The following EYS variants were observed in gnomAD, a reference collection of about 807,000 sequenced individuals.
The protein encoded by EYS is protein eyes shut homolog.
A neutral mutation model predicts 282.1 loss-of-function variants in EYS; 250 were observed. That is an observed-to-expected ratio of 0.89 (90% CI 0.80 to 0.98). EYS has a LOEUF of 0.98. Ranked by LOEUF, EYS falls within the 50% of genes least tolerant of loss-of-function variation. The pLI is 0.00. For synonymous variants in EYS, 1,355 were observed against 1,282.9 expected, an observed-to-expected ratio of 1.06 and a Z score of -1.20; for missense variants, 4,016 against 3,709.0, an observed-to-expected ratio of 1.08 and a Z score of -2.15.
intron 26 of EYS, among the ~76,000 whole-genome samples, chr6:64,551,536 CTTTT>C (rs34550861): frequency 3.0e-5 from 4 of 131,804 alleles, no homozygotes; most frequent in Admixed American, 7.7e-5. Flanking sequence ...CAAGTGCATT[CTTTT>C]TTTTTTTTTT....
chr6:64,879,957 A>G (rs893880001), intron 19 of EYS, among the ~76,000 whole-genome samples: 2 of 152,018 alleles, frequency 1.3e-5, no homozygotes, highest in African/African-American at 4.8e-5. Context: ...TGCTTCTGGA[A>G]GCAGGTCTGC....
chr6:64,403,865 C>T (rs555091291), intron 28 of EYS, among the ~76,000 whole-genome samples: 51 of 152,212 alleles, frequency 3.4e-4, no homozygotes, highest in African/African-American at 1.2e-3. Flanking sequence ...TTCAAAATGA[C>T]ATGTGTAATG....
At chr6:64,450,333 T>C (rs1267256566) in intron 26 of EYS, among the ~76,000 whole-genome samples, 4 of 152,122 alleles carry the variant, frequency 2.6e-5, no homozygotes, top group African/African-American at 9.7e-5. Flanking sequence ...ATGCACCCAA[T>C]ACAGGAGCAC....
intron 22 of EYS, among the ~76,000 whole-genome samples, chr6:64,772,917 A>G (rs143177325): frequency 2.6e-5 from 4 of 151,822 alleles, no homozygotes; most frequent in Non-Finnish European, 5.9e-5. Context: ...CTACATGGAT[A>G]TGGCATAGTT....
rs147133847 is a variant in EYS at position 64,166,249 on chromosome 6, C to A, written c.6424+64343G>T. 3.5e-3 allele frequency among the ~76,000 whole-genome samples: 535 copies of A among 152,188 alleles called. 2 individuals are homozygous for A. Among genetic ancestry groups the A allele is most frequent in the African/African-American group, 0.012 (499 of 41,526 alleles). On this transcript the variant is annotated intron_variant, in intron 31 of 42. Coordinates refer to ENST00000503581, the MANE Select transcript of EYS (RefSeq NM_001142800.2). ...CACAGCAATTATCAACCTAAAACAC[C>A]TTTGCTGATATGACTACTACTTATG...
intron 35 of EYS, among the ~76,000 whole-genome samples, chr6:63,950,619 G>C (rs1456937053): frequency 6.6e-6 from 1 of 152,098 alleles, no homozygotes; most frequent in Non-Finnish European, 1.5e-5. Flanking sequence ...TGGATCAGGG[G>C]ACCTCCCTTG....
At chr6:64,047,704 C>T (rs1562173325) in intron 33 of EYS, among the ~76,000 whole-genome samples, 1 of 152,124 alleles carries the variant, frequency 6.6e-6, no homozygotes, top group East Asian at 1.9e-4. Context: ...TTGCACAATT[C>T]TGTGAGGTGG....
intron 12 of EYS, among the ~76,000 whole-genome samples, chr6:65,224,435 C>T (rs1472593865): frequency 2.6e-5 from 4 of 152,002 alleles, no homozygotes; most frequent in Non-Finnish European, 1.5e-5. Flanking sequence ...AAATTTCTAT[C>T]AATAAGTACC....
chr6:63,903,241 T>C (rs1773700170), intron 35 of EYS, among the ~76,000 whole-genome samples: 1 of 152,044 alleles, frequency 6.6e-6, no homozygotes, highest in Non-Finnish European at 1.5e-5. Context: ...TCTGAGCTCA[T>C]GAGGAAGAAA....
Position 63,788,192 on chromosome 6 carries a change from C to T in EYS, c.7636G>A (p.Val2546Ile), listed in dbSNP as rs1770415717. 6.5e-7 allele frequency: 1 copy of T among 1,548,098 alleles called. No individual in the cohort carries two copies. Among genetic ancestry groups the T allele is most frequent in the South Asian group, 1.2e-5 (1 of 83,084 alleles). Residue 2546 changes from valine (V) to isoleucine (I), a missense_variant, in exon 39 of 43, where the codon GTC (valine) becomes ATC (isoleucine). Val to Ile is a conservative substitution (Grantham distance 29). Coordinates refer to ENST00000503581, the MANE Select transcript of EYS (RefSeq NM_001142800.2). The part of the protein sequence containing the change: ...IAPGRLVGLN[V>I]FSQFYVGGYS... The stretch of plus-strand genomic sequence containing the variant: ...CCACCTACATAAAACTGACTGAAGA[C>T]ATTGAGACCAACCAGTCTTCCTGGG...
At chr6:64,399,787 T>C (rs948633450) in intron 28 of EYS, among the ~76,000 whole-genome samples, 9 of 152,036 alleles carry the variant, frequency 5.9e-5, no homozygotes, top group African/African-American at 2.2e-4. Flanking sequence ...ACTGAATTTT[T>C]GACTCATTGT....
chr6:63,822,781 C>T (rs1354343278), intron 36 of EYS: 1 of 152,050 alleles, frequency 6.6e-6, no homozygotes, highest in Non-Finnish European at 1.5e-5. Flanking sequence ...AAGAATATGG[C>T]AAATAATAAT....
At position 65,435,042 on chromosome 6, in the gene EYS, T is replaced by G. The variant is rs533049173; in HGVS notation, c.863-29675A>C. ...TTAAATAATTAATAGATGAGTAAAT[T>G]AATATCACACATCTAAAGTCACCAG... On this transcript the variant is annotated intron_variant, in intron 5 of 42. Coordinates refer to ENST00000503581, the MANE Select transcript of EYS (RefSeq NM_001142800.2). 3.6e-4 allele frequency among the ~76,000 whole-genome samples: 54 copies of G among 151,852 alleles called. 1 individual carries two copies. The highest frequency in any genetic ancestry group is 6.0e-4 in the Non-Finnish European group (41 of 67,944).
At chr6:64,177,052 T>G (rs1180790396) in intron 31 of EYS, among the ~76,000 whole-genome samples, 1 of 151,866 alleles carries the variant, frequency 6.6e-6, no homozygotes, top group East Asian at 1.9e-4. Context: ...TTATGAAGAA[T>G]GGATTTTACA....
At chr6:64,839,704 T>C (rs575063209) in intron 19 of EYS, among the ~76,000 whole-genome samples, 1 of 152,168 alleles carries the variant, frequency 6.6e-6, no homozygotes, top group East Asian at 1.9e-4. Context: ...ATCAAGGTGC[T>C]GACAGGTTTG....
At chr6:65,145,358 A>G (rs1468736092) in intron 12 of EYS, among the ~76,000 whole-genome samples, 3 of 152,018 alleles carry the variant, frequency 2.0e-5, no homozygotes, top group Non-Finnish European at 4.4e-5. Flanking sequence ...ATTTTATGTA[A>G]AGTTACTAGT....
chr6:65,588,441 C>T (rs186552879), intron 2 of EYS, among the ~76,000 whole-genome samples: 9 of 152,078 alleles, frequency 5.9e-5, no homozygotes, highest in East Asian at 1.9e-4. Context: ...GTGGAGATGG[C>T]AGAAGCAGTT....
chr6:65,619,378 G>C (rs927690991), intron 2 of EYS, among the ~76,000 whole-genome samples: 1 of 152,102 alleles, frequency 6.6e-6, no homozygotes, highest in Admixed American at 6.6e-5. Flanking sequence ...GTATAAGAAT[G>C]CTTGTGATTT....
At chr6:65,061,339 C>CA (rs1411987161) in intron 12 of EYS, among the ~76,000 whole-genome samples, 1 of 151,886 alleles carries the variant, frequency 6.6e-6, no homozygotes, top group African/African-American at 2.4e-5. Flanking sequence ...TCTGGGCAGA[C>CA]AAATTAAACA....
Sources: gnomAD v4.1 joint callset for allele counts (sites outside exome capture counted in the v4.1 genomes callset) on GRCh38, gnomAD v4.1.1 for gene constraint, MANE v1.5 for transcripts, NCBI Gene and HGNC (gene_info 2026-07-23, HGNC 2026-07-21) for gene names.